NFIA: variants seen among roughly 807,000 people sequenced by gnomAD.
NFIA encodes nuclear factor 1 A-type.
NFIA carries 8 observed loss-of-function variants against 62.8 expected under a neutral mutation model. The ratio of observed to expected loss-of-function variants is 0.13; its 90% CI spans 0.07 to 0.23. The LOEUF (loss-of-function observed/expected upper bound fraction) is 0.23, where lower values mean the gene tolerates loss of function less well. Among genes scored for constraint, NFIA ranks in the 10% least tolerant of loss-of-function variants. The pLI is 1.00. For missense variants in NFIA, 410 were observed against 642.1 expected, an observed-to-expected ratio of 0.64 and a Z score of 3.91; for synonymous variants, 235 against 238.1, an observed-to-expected ratio of 0.99 and a Z score of 0.12.
intron 4 of NFIA, among the ~76,000 whole-genome samples, chr1:61,346,158 C>T (rs1483652293): frequency 1.3e-5 from 2 of 152,088 alleles, no homozygotes; most frequent in Admixed American, 6.6e-5. Flanking sequence ...ACATATGAGA[C>T]AAAGCATGAT....
intron 3 of NFIA, among the ~76,000 whole-genome samples, chr1:61,296,691 A>G (rs1259867484): frequency 6.6e-6 from 1 of 152,138 alleles, no homozygotes; most frequent in East Asian, 1.9e-4. Flanking sequence ...TTGAGCCTCG[A>G]TTTCTACCCC....
intron 2 of NFIA, among the ~76,000 whole-genome samples, chr1:61,197,059 C>T (rs1652067428): frequency 6.6e-6 from 1 of 151,934 alleles, no homozygotes. Flanking sequence ...ATGGCTCTAC[C>T]TTAAATTCAT....
At chr1:61,171,863 G>A (rs1649993244) in intron 2 of NFIA, among the ~76,000 whole-genome samples, 1 of 152,186 alleles carries the variant, frequency 6.6e-6, no homozygotes, top group Admixed American at 6.5e-5. Context: ...GGGATTTCCT[G>A]TGCACCCCTT....
At chr1:61,156,466 T>C (rs1014107695) in intron 2 of NFIA, among the ~76,000 whole-genome samples, 5 of 152,236 alleles carry the variant, frequency 3.3e-5, no homozygotes, top group African/African-American at 4.8e-5. Flanking sequence ...GATTTCATTA[T>C]TTGGGAGAGC....
At chr1:61,214,065 A>G (rs1350623388) in intron 2 of NFIA, among the ~76,000 whole-genome samples, 1 of 152,154 alleles carries the variant, frequency 6.6e-6, no homozygotes, top group Non-Finnish European at 1.5e-5. Flanking sequence ...CCAGAACTAC[A>G]TAGGGTCAGC....
chr1:61,321,742 T>G (rs1046715160), intron 3 of NFIA, among the ~76,000 whole-genome samples: 1 of 152,094 alleles, frequency 6.6e-6, no homozygotes, highest in African/African-American at 2.4e-5. Flanking sequence ...ATCCAGTTCA[T>G]TGTGTGATGC....
At chr1:61,096,027 C>G (rs957106409) in intron 2 of NFIA, among the ~76,000 whole-genome samples, 2 of 151,916 alleles carry the variant, frequency 1.3e-5, no homozygotes, top group African/African-American at 4.8e-5. Flanking sequence ...GTAAAATTCA[C>G]TTTGCTCTGA....
intron 2 of NFIA, among the ~76,000 whole-genome samples, chr1:61,138,085 T>C (rs576264416): frequency 1.2e-3 from 179 of 152,064 alleles, no homozygotes; most frequent in Non-Finnish European, 1.9e-3. Flanking sequence ...ACAAAAAATA[T>C]TTTCTTTCCT....
In NFIA at chr1:61,458,747, G is replaced by A. The variant is rs1458123016; in HGVS notation, c.*3427G>A. 1 of 143,456 alleles carries A rather than the reference G, an allele frequency of 7.0e-6. No individual in the cohort carries two copies. Among genetic ancestry groups the A allele is most frequent in the Non-Finnish European group, 1.5e-5 (1 of 66,784 alleles). 8.9% of individuals were successfully genotyped at this position (143,456 alleles called of 1,614,324 possible). A position where few individuals can be genotyped will look rare whatever the true frequency, so the allele number is the denominator to read the frequency against. On this transcript the variant is annotated 3_prime_UTR_variant, in exon 11 of 11. Transcript: ENST00000403491. The stretch of plus-strand genomic sequence containing the variant: ...ATTATTTTTTTCTCTCAATGGTATA[G>A]CATATTCCTATGCTTGAGAAGTATA...
At chr1:61,262,840 A>G (rs1391323648) in intron 2 of NFIA, among the ~76,000 whole-genome samples, 1 of 152,216 alleles carries the variant, frequency 6.6e-6, no homozygotes, top group East Asian at 1.9e-4. Context: ...ATCAAAGGAA[A>G]TGAAAGAAGG....
At chr1:61,266,680 A>C (rs1265162991) in intron 2 of NFIA, among the ~76,000 whole-genome samples, 3 of 152,182 alleles carry the variant, frequency 2.0e-5, no homozygotes, top group Non-Finnish European at 2.9e-5. Flanking sequence ...GATTACAGGC[A>C]TGAGCCACTG....
Position 61,088,409 on chromosome 1 carries a change from A to AG in NFIA, c.291dup (p.Lys98GlufsTer21). On this transcript the variant is annotated frameshift_variant, in exon 2 of 11. Coordinates refer to ENST00000403491, the MANE Select transcript of NFIA (RefSeq NM_001134673.4). LOFTEE classifies it high-confidence loss of function. The surrounding 1 kb of genome is among the most constrained non-coding windows in gnomAD (Gnocchi z 4.5). ...GAGAGGATTTTGTTCTTACAGTTAC[A>AG]GGGAAAAAACCTCCATGTTGTGTTC... 6.2e-7 allele frequency: 1 copy of AG among 1,614,014 alleles called. No individual in the cohort carries two copies. The highest frequency in any genetic ancestry group is 8.5e-7 in the Non-Finnish European group (1 of 1,179,992).
chr1:61,175,086 C>A (rs988087212), intron 2 of NFIA, among the ~76,000 whole-genome samples: 2 of 151,832 alleles, frequency 1.3e-5, no homozygotes, highest in Non-Finnish European at 2.9e-5. Flanking sequence ...AGGCCAGGCA[C>A]CAAAGCATTA....
At chr1:61,153,235 C>T (rs181574998) in intron 2 of NFIA, among the ~76,000 whole-genome samples, 3 of 152,314 alleles carry the variant, frequency 2.0e-5, no homozygotes, top group Admixed American at 6.5e-5. Context: ...TTGCCATAAT[C>T]CCCACTGTTC....
At chr1:61,431,631 G>A (rs1266234515) in intron 10 of NFIA, among the ~76,000 whole-genome samples, 1 of 152,246 alleles carries the variant, frequency 6.6e-6, no homozygotes, top group African/African-American at 2.4e-5. Flanking sequence ...TGCAAGCAGT[G>A]TGATTGCCTT....
intron 4 of NFIA, among the ~76,000 whole-genome samples, chr1:61,340,332 T>C (rs929253800): frequency 2.0e-5 from 3 of 152,242 alleles, no homozygotes; most frequent in Non-Finnish European, 4.4e-5. Context: ...GATGGCAGCA[T>C]GATATTGTAA....
intron 2 of NFIA, among the ~76,000 whole-genome samples, chr1:61,259,116 A>G (rs1656601063): frequency 6.6e-6 from 1 of 152,210 alleles, no homozygotes; most frequent in Non-Finnish European, 1.5e-5. Flanking sequence ...TTGTTGGTTT[A>G]TATTTCAAAT....
At chr1:61,182,089 T>A (rs1233279244) in intron 2 of NFIA, among the ~76,000 whole-genome samples, 1 of 152,242 alleles carries the variant, frequency 6.6e-6, no homozygotes, top group African/African-American at 2.4e-5. Flanking sequence ...ATTTTTACTT[T>A]AAATTCTTTC....
chr1:61,175,824 A>G (rs986576128), intron 2 of NFIA, among the ~76,000 whole-genome samples: 6 of 152,202 alleles, frequency 3.9e-5, no homozygotes, highest in Non-Finnish European at 8.8e-5. Flanking sequence ...TCACTTGCTC[A>G]TGCAACAATT....
Sources: allele counts gnomAD v4.1 joint callset (sites outside exome capture counted in the v4.1 genomes callset), GRCh38; gene constraint gnomAD v4.1.1; non-coding constraint Gnocchi (gnomAD v3.1); transcripts MANE v1.5; gene names NCBI Gene and HGNC (gene_info 2026-07-23, HGNC 2026-07-21).